The following PBX1 variants were observed in gnomAD, a reference collection of about 807,000 sequenced individuals.
The protein encoded by PBX1 is pre-B-cell leukemia transcription factor 1.
A neutral mutation model predicts 53.4 loss-of-function variants in PBX1; 6 were observed. The observed-to-expected ratio is 0.11, with a 90% CI of 0.06 to 0.22. PBX1 has a LOEUF of 0.22. PBX1 is among the 10% of genes least tolerant of loss of function. The pLI is 1.00. For synonymous variants in PBX1, 204 were observed against 212.3 expected, an observed-to-expected ratio of 0.96 and a Z score of 0.34; for missense variants, 251 against 551.4, an observed-to-expected ratio of 0.46 and a Z score of 5.46.
At chr1:164,821,725 A>C in intron 8 of PBX1, 99 bp downstream of exon 8, 2 of 854,080 alleles carry the variant, frequency 2.3e-6, no homozygotes, top group Non-Finnish European at 4.0e-6. Flanking sequence ...AGTAGGGCTT[A>C]TCTTAGCTTT....
intron 2 of PBX1, among the ~76,000 whole-genome samples, chr1:164,747,371 C>T (rs1361341354): frequency 6.6e-6 from 1 of 151,130 alleles, no homozygotes; most frequent in Non-Finnish European, 1.5e-5. Flanking sequence ...ATTTTATATA[C>T]ATACATATTT....
chr1:164,674,847 G>GCGC (rs1661329304), intron 2 of PBX1: 1 of 40,712 alleles, frequency 2.5e-5, no homozygotes, highest in African/African-American at 6.4e-5. Context: ...AGAAATCACA[G>GCGC]CCCCCCCCCC....
chr1:164,785,401 G>A lies in PBX1; in HGVS notation c.266-7093G>A, dbSNP rs183753658. ...GAAGATTTGGGTCCCACCTTTGGTT[G>A]AGAAGAATCAAATTAGAGCATAGTT... is the stretch of plus-strand genomic sequence containing the variant. On this transcript the variant is annotated intron_variant, in intron 2 of 8. Transcript: ENST00000420696. Among the ~76,000 whole-genome samples the A allele has an allele frequency of 1.8e-3, 273 of 152,328 alleles. 5 individuals carry two copies. Among genetic ancestry groups the A allele is most frequent in the Admixed American group, 0.015 (229 of 15,308 alleles).
At chr1:164,577,192 G>A (rs1347213560) in intron 2 of PBX1, among the ~76,000 whole-genome samples, 2 of 152,186 alleles carry the variant, frequency 1.3e-5, no homozygotes, top group East Asian at 3.9e-4. Context: ...CTCTTACAGG[G>A]AGTGCGTCAT....
intron 2 of PBX1, among the ~76,000 whole-genome samples, chr1:164,712,186 A>AAG (rs1429515413): frequency 6.6e-6 from 1 of 150,598 alleles, no homozygotes; most frequent in Admixed American, 6.6e-5. Flanking sequence ...TTAAAAAAAA[A>AAG]AAAAAAAAGC....
intron 2 of PBX1, among the ~76,000 whole-genome samples, chr1:164,653,398 T>G (rs2101928246): frequency 6.6e-6 from 1 of 152,252 alleles, no homozygotes; most frequent in East Asian, 1.9e-4. Context: ...AAGATACAAT[T>G]TTTTTATAAG....
At chr1:164,867,747 T>C (rs914764582) in intron 2 of PBX1, among the ~76,000 whole-genome samples, 11 of 152,218 alleles carry the variant, frequency 7.2e-5, no homozygotes, top group Non-Finnish European at 1.0e-4. Context: ...AACTGCTTCA[T>C]ATCCCCCATG....
downstream of PBX1, chr1:164,854,105 C>A (rs182970410): frequency 6.6e-6 from 1 of 151,812 alleles, no homozygotes; most frequent in African/African-American, 2.4e-5. Context: ...GAGGTCTCAC[C>A]ATGTTGGCCA....
intron 2 of PBX1, among the ~76,000 whole-genome samples, chr1:164,577,460 C>G (rs1280409811): frequency 6.6e-6 from 1 of 152,220 alleles, no homozygotes; most frequent in African/African-American, 2.4e-5. Context: ...CCCATGCACG[C>G]ATAGTTGCCT....
intron 2 of PBX1, among the ~76,000 whole-genome samples, chr1:164,784,619 G>A (rs1668087682): frequency 6.6e-6 from 1 of 152,178 alleles, no homozygotes; most frequent in Non-Finnish European, 1.5e-5. Context: ...TTCATCTCTT[G>A]CCCTAAAACC....
At chr1:164,655,594 G>T (rs1660122758) in intron 2 of PBX1, among the ~76,000 whole-genome samples, 1 of 152,170 alleles carries the variant, frequency 6.6e-6, no homozygotes, top group Admixed American at 6.5e-5. Flanking sequence ...AGACAGTCAA[G>T]ACAGTGTGAA....
intron 2 of PBX1, among the ~76,000 whole-genome samples, chr1:164,660,815 T>C (rs1660445631): frequency 6.6e-6 from 1 of 152,230 alleles, no homozygotes; most frequent in African/African-American, 2.4e-5. Context: ...ATATAGATTG[T>C]GGTCTGTGCC....
chr1:164,698,708 A>G (rs897312661), intron 2 of PBX1, among the ~76,000 whole-genome samples: 4 of 152,134 alleles, frequency 2.6e-5, no homozygotes, highest in Admixed American at 1.3e-4. Flanking sequence ...TTCAAATATG[A>G]TTCTAATTGT....
intron 2 of PBX1, among the ~76,000 whole-genome samples, chr1:164,754,819 AG>A (rs1666424899): frequency 6.6e-6 from 1 of 152,204 alleles, no homozygotes; most frequent in Admixed American, 6.5e-5. Context: ...TAACTTACCT[AG>A]AAGTTGACAC....
At chr1:164,873,485 A>T (rs1187969817) in intron 2 of PBX1, among the ~76,000 whole-genome samples, 1 of 152,242 alleles carries the variant, frequency 6.6e-6, no homozygotes, top group Non-Finnish European at 1.5e-5. Context: ...GGCCTCTGGA[A>T]GTCCCAGCTT....
chr1:164,799,445 C>A (rs12129140), intron 3 of PBX1, among the ~76,000 whole-genome samples: 7,735 of 152,146 alleles, frequency 0.051, 261 homozygotes, highest in African/African-American at 0.097. Flanking sequence ...GAGCCGATAT[C>A]GTGCCACTGC....
chr1:164,680,924 C>T (rs970770132), intron 2 of PBX1: 7 of 152,238 alleles, frequency 4.6e-5, no homozygotes, highest in Admixed American at 3.3e-4. Context: ...ACTCTATAGA[C>T]ACTTACAGAA....
At chr1:164,833,665 T>G (rs1442782421) in intron 8 of PBX1, among the ~76,000 whole-genome samples, 1 of 152,160 alleles carries the variant, frequency 6.6e-6, no homozygotes, top group Non-Finnish European at 1.5e-5. Flanking sequence ...TAGTTTTATA[T>G]CCTGTTCCTC....
intron 8 of PBX1, among the ~76,000 whole-genome samples, chr1:164,845,556 G>A (rs995489097): frequency 6.6e-6 from 1 of 152,208 alleles, no homozygotes; most frequent in African/African-American, 2.4e-5. Flanking sequence ...ATATTTCAAT[G>A]CTTTAAAACA....
Sources: gnomAD v4.1 joint callset for allele counts (sites outside exome capture counted in the v4.1 genomes callset) on GRCh38, gnomAD v4.1.1 for gene constraint, MANE v1.5 for transcripts, NCBI Gene and HGNC (gene_info 2026-07-23, HGNC 2026-07-21) for gene names.